AKAP8: variants seen among roughly 807,000 people sequenced by gnomAD.
The protein encoded by AKAP8 is A-kinase anchoring protein 8, also known as A-kinase anchor protein 8.
In AKAP8, 24 loss-of-function variants were observed where a neutral mutation model predicts 67.5. That is an observed-to-expected ratio of 0.36 (90% confidence interval 0.26 to 0.50). The LOEUF (loss-of-function observed/expected upper bound fraction) is 0.50. Among genes scored for constraint, AKAP8 ranks in the 20% least tolerant of loss-of-function variants. AKAP8 has a pLI of 0.97. For synonymous variants in AKAP8, 400 were observed against 371.1 expected (o/e 1.08, Z -0.90); for missense variants, 971 against 955.9 (o/e 1.02, Z -0.21).
intron 1 of AKAP8, among the ~76,000 whole-genome samples, chr19:15,377,885 G>A (rs1302694508): frequency 6.6e-6 from 1 of 152,066 alleles, no homozygotes; most frequent in South Asian, 2.1e-4. Flanking sequence ...CGCCCACTAT[G>A]GCATCTGTCT....
chr19:15,379,649 C>A, intron 1 of AKAP8, 64 bp downstream of exon 1: 2 of 1,559,492 alleles, frequency 1.3e-6, no homozygotes, highest in Non-Finnish European at 1.7e-6. Context: ...GCAGTCTGCG[C>A]AGCGGCTGCG....
intron 12 of AKAP8, among the ~76,000 whole-genome samples, chr19:15,360,431 G>A (rs1194592109): frequency 6.6e-6 from 1 of 152,184 alleles, no homozygotes; most frequent in Non-Finnish European, 1.5e-5. Flanking sequence ...ACAAAATAAG[G>A]TATTTTTCCA....
chr19:15,359,742 A>C (rs1362765869), intron 12 of AKAP8, among the ~76,000 whole-genome samples: 1 of 151,994 alleles, frequency 6.6e-6, no homozygotes, highest in Non-Finnish European at 1.5e-5. Context: ...AAAAACAAAA[A>C]ACAAACACAC....
chr19:15,376,526 C>T (rs143985351), intron 2 of AKAP8, among the ~76,000 whole-genome samples: 191 of 152,220 alleles, frequency 1.3e-3, no homozygotes, highest in African/African-American at 4.5e-3. Context: ...AGTACACTCA[C>T]TACAGGTGTA....
chr19:15,379,666 G>C, intron 1 of AKAP8, 47 bp downstream of exon 1: 1 of 1,590,028 alleles, frequency 6.3e-7, no homozygotes, highest in Non-Finnish European at 8.5e-7. Context: ...TGCGTCGCCC[G>C]CACAGAGCCT....
intron 1 of AKAP8, chr19:15,379,150 C>G (rs774636995): frequency 4.6e-5 from 7 of 152,872 alleles, no homozygotes; most frequent in Non-Finnish European, 8.8e-5. Context: ...CCGCGCAGCC[C>G]GACGGCTTCC....
At chr19:15,364,443 C>G (rs548375429) in intron 9 of AKAP8, among the ~76,000 whole-genome samples, 17 of 152,230 alleles carry the variant, frequency 1.1e-4, no homozygotes, top group African/African-American at 3.6e-4. Flanking sequence ...CTCCGCCTCC[C>G]AGGTTCAAGT....
intron 9 of AKAP8, among the ~76,000 whole-genome samples, chr19:15,365,966 G>A (rs1382652441): frequency 4.0e-5 from 6 of 151,062 alleles, no homozygotes; most frequent in Admixed American, 6.6e-5. Flanking sequence ...GACTGTTGCA[G>A]TGAGCTGAGA....
At chr19:15,366,940 C>T (rs1473832243) in intron 9 of AKAP8, among the ~76,000 whole-genome samples, 1 of 150,302 alleles carries the variant, frequency 6.7e-6, no homozygotes, top group Non-Finnish European at 1.5e-5. Context: ...CAGAGTCTTG[C>T]TCTGTCGCCC....
In AKAP8 at chr19:15,355,222, C is replaced by G. The variant is rs2048270092; in HGVS notation, c.1772G>C (p.Gly591Ala). The G allele has an allele frequency of 6.2e-7, 1 of 1,611,434 alleles. No individual in the cohort carries two copies. Among genetic ancestry groups the G allele is most frequent in the Non-Finnish European group, 8.5e-7 (1 of 1,180,030 alleles). ...VITAAVRAVD[G>A]EGAPAPESSG... is the part of the protein sequence containing the mutation. ...GCTCTCTGGAGCGGGCGCTCCTTCC[C>G]CATCTACGGCCCTCACTGCTGCTGT... The change falls in exon 14 of 14, where the codon GGG becomes GCG. Residue 591 changes from glycine (G) to alanine (A), a missense_variant. Transcript: ENST00000269701.
chr19:15,368,408 G>T, intron 8 of AKAP8, 86 bp from the exon 9 acceptor site: 2 of 1,600,822 alleles, frequency 1.2e-6, no homozygotes, highest in Non-Finnish European at 8.5e-7. Flanking sequence ...CTGCAGCTTG[G>T]CCACCGCACC....
intron 12 of AKAP8, among the ~76,000 whole-genome samples, chr19:15,360,357 G>A (rs1966945235): frequency 1.3e-5 from 2 of 152,222 alleles, no homozygotes; most frequent in South Asian, 4.1e-4. Flanking sequence ...ACAGCAGGTA[G>A]AGCTGTTGCT....
intron 7 of AKAP8, 140 bp downstream of exon 7, chr19:15,371,812 A>C (rs1336948503): frequency 1.2e-5 from 11 of 929,132 alleles, no homozygotes; most frequent in Non-Finnish European, 1.6e-5. Context: ...TTAGAAATCT[A>C]GCTAAAAGTC....
intron 8 of AKAP8, 21 bp downstream of exon 8, chr19:15,370,125 A>C (rs1279923015): frequency 6.2e-7 from 1 of 1,614,020 alleles, no homozygotes; most frequent in Non-Finnish European, 8.5e-7. Flanking sequence ...GGAAAGCTGC[A>C]AGGGACACGG....
rs1474770571 is a variant in AKAP8 at position 15,355,164 on chromosome 19, C to T, written c.1830G>A (p.Thr610=). 15 of 1,612,746 alleles carry T rather than the reference C, an allele frequency of 9.3e-6. No homozygotes were observed. The highest frequency in any genetic ancestry group is 3.3e-4 in the Middle Eastern group (2 of 6,062). ...GATCACTACCGGCCTCCGCTGTGTC[C>T]GTGGGGCCTTCGTCCTCAGCCGGCT... ...SGEPAEDEGP[T]DTAEAGSDPQ... is the part of the protein sequence containing the mutation. Residue 610 remains threonine (T), a synonymous_variant, in exon 14 of 14, where the codon ACG becomes ACA. Coordinates refer to ENST00000269701, the MANE Select transcript of AKAP8 (RefSeq NM_005858.4).
rs972925376 is a variant in AKAP8, at chr19:15,353,673, G to C, written c.*1242C>G. 1 of 152,032 alleles carries C rather than the reference G, an allele frequency of 6.6e-6. No individual in the cohort carries two copies. Among genetic ancestry groups the C allele is most frequent in the African/African-American group, 2.4e-5 (1 of 41,388 alleles). The allele number at this position is 152,032 out of a possible 1,614,324, so 9.4% of individuals were successfully genotyped here. A position where few individuals can be genotyped will look rare whatever the true frequency, so the allele number is the denominator to read the frequency against. ...AGCCCCTGGTATACAGTAGAGGCTCGGCAAATATTCTACAGCCTCCTTTCT... is the reference window on the plus strand; with the variant it reads ...AGCCCCTGGTATACAGTAGAGGCTCCGCAAATATTCTACAGCCTCCTTTCT... On this transcript the variant is annotated 3_prime_UTR_variant, in exon 14 of 14. Transcript: ENST00000269701.
chr19:15,376,342 C>T (rs1967252352), intron 2 of AKAP8, among the ~76,000 whole-genome samples: 1 of 152,138 alleles, frequency 6.6e-6, no homozygotes. Flanking sequence ...TGGTAAAACC[C>T]TGTCTCTACT....
intron 9 of AKAP8, among the ~76,000 whole-genome samples, chr19:15,364,506 ACTCCC>A (rs1967038344): frequency 6.6e-6 from 1 of 151,178 alleles, no homozygotes; most frequent in Non-Finnish European, 1.5e-5. Flanking sequence ...GCCCACCACC[ACTCCC>A]AGTTAATTTT....
chr19:15,374,487 C>T (rs995147723), intron 3 of AKAP8, 116 bp downstream of exon 3: 8 of 1,279,058 alleles, frequency 6.3e-6, no homozygotes, highest in South Asian at 1.4e-5. Flanking sequence ...CTGACTGCGT[C>T]CTCAGGAACA....
Sources: allele counts gnomAD v4.1 joint callset (sites outside exome capture counted in the v4.1 genomes callset), GRCh38; gene constraint gnomAD v4.1.1; transcripts MANE v1.5; gene names NCBI Gene and HGNC (gene_info 2026-07-23, HGNC 2026-07-21).